CBLN2: variants seen among roughly 807,000 people sequenced by gnomAD.
CBLN2 encodes cerebellin-2.
A neutral mutation model predicts 15.0 loss-of-function variants in CBLN2; 7 were observed. That is an observed-to-expected ratio of 0.47 (90% CI 0.27 to 0.88). The LOEUF (loss-of-function observed/expected upper bound fraction) is 0.88, where lower values mean the gene tolerates loss of function less well. CBLN2 is among the 40% of genes least tolerant of loss of function. The pLI, the probability that CBLN2 is intolerant of heterozygous loss-of-function variation, is 0.14. For synonymous variants in CBLN2, 149 were observed against 135.2 expected (o/e 1.10, Z -0.71); for missense variants, 242 against 304.5 (o/e 0.79, Z 1.53).
chr18:72,545,904 AAAG>A, upstream of CBLN2, among the ~76,000 whole-genome samples: 1 of 152,344 alleles, frequency 6.6e-6, no homozygotes. Flanking sequence ...CTGGGGGAAA[AAAG>A]AAAACCACTT....
intron 1 of CBLN2, among the ~76,000 whole-genome samples, chr18:72,587,258 T>G (rs1229859867): frequency 6.6e-6 from 1 of 152,058 alleles, no homozygotes; most frequent in African/African-American, 2.4e-5. Context: ...TCTAAGTCCT[T>G]ATGGAATTTG....
intron 1 of CBLN2, among the ~76,000 whole-genome samples, chr18:72,588,963 G>T (rs2144927622): frequency 6.6e-6 from 1 of 152,322 alleles, no homozygotes; most frequent in African/African-American, 2.4e-5. Context: ...GCAGTGAAAA[G>T]CACTCTTCTT....
In CBLN2 at chr18:72,566,027, C is replaced by T. The variant is rs74634127; in HGVS notation, c.16-27255G>A. 2.1e-3 allele frequency among the ~76,000 whole-genome samples: 326 copies of T among 152,022 alleles called. 9 individuals are homozygous for T. In the East Asian group the frequency reaches 0.053, roughly 25 times the overall value. On this transcript the variant is annotated intron_variant, in intron 1 of 2. Coordinates refer to the CBLN2 transcript ENST00000581073. ...CAAAAGAGCTAAGTAGACATTTCTC[C>T]GAAGAAGACATACAAATGGTCCGCA...
At chr18:72,596,023 T>C (rs1375111060) in intron 1 of CBLN2, among the ~76,000 whole-genome samples, 1 of 152,132 alleles carries the variant, frequency 6.6e-6, no homozygotes, top group East Asian at 1.9e-4. Context: ...AATGTATTTA[T>C]ATGCAATGTG....
At chr18:72,542,482 G>A (rs1454836895) in intron 2 of CBLN2, among the ~76,000 whole-genome samples, 156 bp from the exon 3 acceptor site, 1 of 151,880 alleles carries the variant, frequency 6.6e-6, no homozygotes, top group Non-Finnish European at 1.5e-5. Context: ...TGGCACAACA[G>A]GTCCGGAGAA....
chr18:72,565,469 C>T (rs1395342030), intron 1 of CBLN2, among the ~76,000 whole-genome samples: 8 of 151,984 alleles, frequency 5.3e-5, no homozygotes, highest in Non-Finnish European at 8.8e-5. Flanking sequence ...TGTTGAGGAA[C>T]ATATAACATA....
Position 72,542,006 on chromosome 18 carries a change from T to C in CBLN2, c.155A>G (p.Gln52Arg). ...LLPACCPVRA[Q>R]NDTEPIVLEG... ...CAGCACGATGGGCTCCGTGTCGTTC[T>C]GCGCCCGCACGGGGCAGCAGGCGGG... The change falls in exon 3 of 5, where the codon CAG (glutamine) becomes CGG (arginine). Residue 52 changes from glutamine to arginine, a missense_variant. Gln to Arg is a conservative substitution (Grantham distance 43, BLOSUM62 1). Coordinates refer to ENST00000269503, the MANE Select transcript of CBLN2 (RefSeq NM_182511.4). The C allele has an allele frequency of 6.2e-7, 1 of 1,601,300 alleles. No individual in the cohort carries two copies. Among genetic ancestry groups the C allele is most frequent in the Non-Finnish European group, 8.5e-7 (1 of 1,178,710 alleles).
chr18:72,595,041 T>C (rs1022958981), intron 1 of CBLN2, among the ~76,000 whole-genome samples: 15 of 151,918 alleles, frequency 9.9e-5, no homozygotes, highest in Admixed American at 5.2e-4. Context: ...ATTTCTGCTC[T>C]GATCTTTATT....
chr18:72,548,084 A>C (rs934176350), upstream of CBLN2, among the ~76,000 whole-genome samples: 12 of 152,166 alleles, frequency 7.9e-5, no homozygotes, highest in African/African-American at 2.7e-4. Flanking sequence ...AGAAGCTTAG[A>C]GATCTGAGTG....
At chr18:72,564,570 T>C (rs2069282127) in intron 1 of CBLN2, among the ~76,000 whole-genome samples, 1 of 152,170 alleles carries the variant, frequency 6.6e-6, no homozygotes, top group Non-Finnish European at 1.5e-5. Context: ...AAACAACTGA[T>C]TTAATGATTT....
intron 1 of CBLN2, among the ~76,000 whole-genome samples, chr18:72,579,159 A>G (rs1228792310): frequency 1.3e-5 from 2 of 152,228 alleles, no homozygotes; most frequent in African/African-American, 4.8e-5. Context: ...ACACAATACT[A>G]TTACTGCCTT....
intron 1 of CBLN2, among the ~76,000 whole-genome samples, chr18:72,592,363 A>G (rs975997478): frequency 3.3e-5 from 5 of 151,476 alleles, no homozygotes; most frequent in South Asian, 2.1e-4. Flanking sequence ...ATTTCTCCCT[A>G]TTGAGTTGTT....
intron 1 of CBLN2, among the ~76,000 whole-genome samples, chr18:72,570,009 G>T (rs781768507): frequency 9.9e-5 from 15 of 152,134 alleles, no homozygotes; most frequent in Non-Finnish European, 1.3e-4. Context: ...ACATTTAAAG[G>T]CTTAGAGGAT....
intron 1 of CBLN2, among the ~76,000 whole-genome samples, chr18:72,584,783 C>A (rs983219147): frequency 2.0e-5 from 3 of 152,130 alleles, no homozygotes; most frequent in African/African-American, 7.2e-5. Flanking sequence ...GTCACAGGAT[C>A]CTTGGGGTGT....
intron 1 of CBLN2, among the ~76,000 whole-genome samples, chr18:72,577,177 A>T (rs1053279345): frequency 6.6e-6 from 1 of 151,020 alleles, no homozygotes; most frequent in Non-Finnish European, 1.5e-5. Context: ...CTATATAAAC[A>T]TAAATATATA....
chr18:72,574,446 C>A (rs2069351905), intron 1 of CBLN2, among the ~76,000 whole-genome samples: 1 of 152,088 alleles, frequency 6.6e-6, no homozygotes, highest in Non-Finnish European at 1.5e-5. Flanking sequence ...AATCGGGTGG[C>A]ACCAGGAGAA....
intron 1 of CBLN2, among the ~76,000 whole-genome samples, chr18:72,621,376 T>A (rs1330601328): frequency 6.6e-6 from 1 of 152,182 alleles, no homozygotes; most frequent in Non-Finnish European, 1.5e-5. Flanking sequence ...TTGATATATT[T>A]GTGTTATATT....
chr18:72,550,401 C>CA (rs2069184627), intron 1 of CBLN2, among the ~76,000 whole-genome samples: 1 of 152,152 alleles, frequency 6.6e-6, no homozygotes, highest in Non-Finnish European at 1.5e-5. Context: ...CTCAATGAAT[C>CA]AAAATGCAGG....
In CBLN2 at chr18:72,544,168, A is replaced by AG. The variant is rs1318307244; in HGVS notation, c.-404dup. 2 of 149,082 alleles carry AG rather than the reference A, an allele frequency of 1.3e-5. No homozygotes were observed. The highest frequency in any genetic ancestry group is 5.0e-5 in the African/African-American group (2 of 40,214). 9.2% of individuals were successfully genotyped at this position (149,082 alleles called of 1,614,324 possible). A position where few individuals can be genotyped will look rare whatever the true frequency, so the allele number is the denominator to read the frequency against. ...AAACAATAAGTTAAAAAAAAAAAAA[A>AG]GAAGAAGAAGACTGGGATGGCTGGG... On this transcript the variant is annotated 5_prime_UTR_variant, in exon 1 of 5. Coordinates refer to ENST00000269503, the MANE Select transcript of CBLN2 (RefSeq NM_182511.4).
Sources: gnomAD v4.1 joint callset for allele counts (sites outside exome capture counted in the v4.1 genomes callset) on GRCh38, gnomAD v4.1.1 for gene constraint, MANE v1.5 for transcripts, NCBI Gene and HGNC (gene_info 2026-07-23, HGNC 2026-07-21) for gene names.